Variants in ASTN2 observed in about 807,000 individuals in gnomAD.
The protein encoded by ASTN2 is astrotactin-2.
Under a neutral mutation model 139.8 loss-of-function variants are expected in ASTN2, and 54 were observed. The ratio of observed to expected loss-of-function variants is 0.39; its 90% CI spans 0.31 to 0.48. The LOEUF (loss-of-function observed/expected upper bound fraction) is 0.48. Ranked by LOEUF, ASTN2 falls within the 20% of genes least tolerant of loss-of-function variation. The pLI is 0.95. For missense variants in ASTN2, 1,565 were observed against 1,725.1 expected (o/e 0.91, Z 1.64); for synonymous variants, 756 against 719.5 (o/e 1.05, Z -0.81).
intron 5 of ASTN2, 37 bp from the exon 6 acceptor site, chr9:117,040,002 A>G (rs1838507201): frequency 6.4e-7 from 1 of 1,564,168 alleles, no homozygotes; most frequent in Middle Eastern, 1.7e-4. Context: ...ACAAAATTCC[A>G]TGAGGTGAGG....
At chr9:117,134,037 A>C (rs1829884632) in intron 4 of ASTN2, among the ~76,000 whole-genome samples, 1 of 151,856 alleles carries the variant, frequency 6.6e-6, no homozygotes, top group Non-Finnish European at 1.5e-5. Flanking sequence ...AGGGGCGGTA[A>C]ACCTAAATCC....
At chr9:116,829,975 A>T (rs1831759612) in intron 11 of ASTN2, among the ~76,000 whole-genome samples, 1 of 152,236 alleles carries the variant, frequency 6.6e-6, no homozygotes, top group South Asian at 2.1e-4. Flanking sequence ...AGAATTTGTG[A>T]CTAAGTCCTC....
chr9:116,765,281 C>G (rs528802438), intron 13 of ASTN2, among the ~76,000 whole-genome samples: 1 of 152,298 alleles, frequency 6.6e-6, no homozygotes, highest in East Asian at 1.9e-4. Context: ...GCTGAGTGCA[C>G]AGACAGTTCC....
At chr9:116,949,476 C>A (rs540164044) in intron 10 of ASTN2, among the ~76,000 whole-genome samples, 1 of 151,990 alleles carries the variant, frequency 6.6e-6, no homozygotes, top group African/African-American at 2.4e-5. Context: ...TCTTCTGGGG[C>A]GGAAGTAAAG....
intron 10 of ASTN2, among the ~76,000 whole-genome samples, chr9:116,972,588 C>T (rs1836241955): frequency 6.6e-6 from 1 of 152,122 alleles, no homozygotes; most frequent in Non-Finnish European, 1.5e-5. Flanking sequence ...AGTGGTCATA[C>T]TTATTTATAT....
At position 116,565,257 on chromosome 9, in the gene ASTN2, C is replaced by CAT. The variant is rs1554714078; in HGVS notation, c.3355+53065_3355+53066dup. On this transcript the variant is annotated intron_variant, in intron 19 of 22. Coordinates refer to ENST00000313400, the MANE Select transcript of ASTN2 (RefSeq NM_001365068.1). ...ACACACACACACACACACACACACACATATGCCCCATACTGAGGAGATTAA... is the reference window on the plus strand; with the variant it reads ...ACACACACACACACACACACACACACATATATGCCCCATACTGAGGAGATTAA... 6.6e-3 allele frequency among the ~76,000 whole-genome samples: 835 copies of CAT among 126,794 alleles called. 14 individuals are homozygous for CAT. The highest frequency in any genetic ancestry group is 0.029 in the African/African-American group (789 of 27,400). The allele number at this position is 126,794 out of a possible 152,430, so 83.2% of individuals were successfully genotyped here. A position where few individuals can be genotyped will look rare whatever the true frequency, so the allele number is the denominator to read the frequency against.
At chr9:116,719,835 A>G (rs7870984) in intron 16 of ASTN2, among the ~76,000 whole-genome samples, 14,007 of 152,066 alleles carry the variant, frequency 0.092, 1,281 homozygotes, top group African/African-American at 0.24. Context: ...ACCGAAACAA[A>G]CACAGAAAGT....
At chr9:117,000,103 T>C (rs551891248) in intron 7 of ASTN2, among the ~76,000 whole-genome samples, 3 of 152,356 alleles carry the variant, frequency 2.0e-5, no homozygotes, top group Admixed American at 1.3e-4. Flanking sequence ...TAAATGATTA[T>C]AGAAATAAGA....
chr9:116,978,495 GCA>G (rs5900243), intron 7 of ASTN2, among the ~76,000 whole-genome samples: 8,428 of 127,330 alleles, frequency 0.066, 565 homozygotes, highest in African/African-American at 0.18. Context: ...TCTCTCTCAC[GCA>G]CACACACACA....
intron 20 of ASTN2, among the ~76,000 whole-genome samples, chr9:116,468,947 T>A (rs1848730873): frequency 6.6e-6 from 1 of 152,226 alleles, no homozygotes; most frequent in South Asian, 2.1e-4. Context: ...TTTCTTGGTA[T>A]CTGCATCTTA....
In ASTN2 at chr9:116,423,776, C is replaced by T. The variant is rs1157602068; in HGVS notation, c.*2075G>A. On this transcript the variant is annotated 3_prime_UTR_variant, in exon 23 of 23. Coordinates refer to ENST00000313400, the MANE Select transcript of ASTN2 (RefSeq NM_001365068.1). ...TTCTGCTTTGTTTTCTTTTGTGTTA[C>T]CCATTTTCCCCATATGGATTGAAGT... Among the ~76,000 whole-genome samples the T allele has an allele frequency of 6.6e-6, 1 of 152,084 alleles. No homozygotes were observed. The highest frequency in any genetic ancestry group is 2.4e-5 in the African/African-American group (1 of 41,400).
chr9:117,310,533 A>G (rs1587935403), intron 1 of ASTN2, among the ~76,000 whole-genome samples: 1 of 152,040 alleles, frequency 6.6e-6, no homozygotes, highest in African/African-American at 2.4e-5. Flanking sequence ...ACCTATCTTC[A>G]CCCCAACCAA....
intron 10 of ASTN2, among the ~76,000 whole-genome samples, chr9:116,921,337 C>T (rs867557474): frequency 3.3e-5 from 5 of 152,132 alleles, no homozygotes; most frequent in Non-Finnish European, 7.4e-5. Flanking sequence ...GCCTGTAATT[C>T]CAGCACTTTG....
intron 1 of ASTN2, among the ~76,000 whole-genome samples, chr9:117,319,468 G>A (rs1445261212): frequency 1.3e-5 from 2 of 151,942 alleles, no homozygotes; most frequent in Non-Finnish European, 2.9e-5. Context: ...TCACTCTATT[G>A]CCCAGGCTGG....
At chr9:116,670,418 A>G (rs187528028) in intron 16 of ASTN2, among the ~76,000 whole-genome samples, 3 of 152,218 alleles carry the variant, frequency 2.0e-5, no homozygotes, top group African/African-American at 4.8e-5. Flanking sequence ...AGCCTCCCCA[A>G]GTGCTGGGAT....
intron 19 of ASTN2, among the ~76,000 whole-genome samples, chr9:116,571,698 G>A (rs941020394): frequency 6.6e-6 from 1 of 152,174 alleles, no homozygotes; most frequent in Non-Finnish European, 1.5e-5. Context: ...CGCCTCTTGA[G>A]GCATCTGTCA....
chr9:116,752,319 G>C (rs1034844892), intron 13 of ASTN2, among the ~76,000 whole-genome samples: 2 of 152,078 alleles, frequency 1.3e-5, no homozygotes, highest in Non-Finnish European at 2.9e-5. Context: ...AAGGGATGAA[G>C]AAAAGAAGAA....
In ASTN2 at chr9:117,354,147, G is replaced by A. The variant is rs959009090; in HGVS notation, c.442+60350C>T. On this transcript the variant is annotated intron_variant, in intron 1 of 22. Coordinates refer to ENST00000313400, the MANE Select transcript of ASTN2 (RefSeq NM_001365068.1). ...CAGGCTATGTGTGGTGGGGAAGGGC[G>A]GAAGGTACTCGGGAGTATAAGGAAC... 9.2e-5 allele frequency among the ~76,000 whole-genome samples: 14 copies of A among 152,170 alleles called. No individual in the cohort carries two copies. The South Asian group carries it at 1.0e-3, about 11-fold the overall frequency.
At chr9:116,961,638 C>A (rs1835877803) in intron 10 of ASTN2, among the ~76,000 whole-genome samples, 1 of 152,150 alleles carries the variant, frequency 6.6e-6, no homozygotes, top group Admixed American at 6.5e-5. Context: ...TTGTGAAAAA[C>A]ACTGCTATCA....
Sources: allele counts gnomAD v4.1 joint callset (sites outside exome capture counted in the v4.1 genomes callset), GRCh38; gene constraint gnomAD v4.1.1; transcripts MANE v1.5; gene names NCBI Gene and HGNC (gene_info 2026-07-23, HGNC 2026-07-21).